SNORC: variants seen among roughly 807,000 people sequenced by gnomAD.
The protein encoded by SNORC is secondary ossification center associated regulator of chondrocyte maturation.
Under a neutral mutation model 9.7 loss-of-function variants are expected in SNORC, and 11 were observed. That is an observed-to-expected ratio of 1.14 (90% CI 0.72 to 1.88). The LOEUF (loss-of-function observed/expected upper bound fraction) is 1.88. Ranked by LOEUF, SNORC falls within the 40% of genes most tolerant of loss-of-function variation. The probability of loss-of-function intolerance (pLI) is 0.00; values close to 1 mark genes in which losing one functional copy is unlikely to be tolerated. For missense variants in SNORC, 197 were observed against 173.1 expected, an observed-to-expected ratio of 1.14 and a Z score of -0.77; for synonymous variants, 108 against 88.7, an observed-to-expected ratio of 1.22 and a Z score of -1.22.
exon 1 of SNORC, chr2:232,870,386 C>T (rs779387952): frequency 1.8e-5 from 28 of 1,572,080 alleles, no homozygotes; most frequent in East Asian, 7.0e-5. Flanking sequence ...TGCTGGTCTC[C>T]GGGGTTCTGG....
intron 1 of SNORC, among the ~76,000 whole-genome samples, chr2:232,872,212 G>C (rs1691052997): frequency 6.6e-6 from 1 of 152,168 alleles, no homozygotes; most frequent in Non-Finnish European, 1.5e-5. Context: ...CAGACAGGAA[G>C]GGAAGGAGCG....
At chr2:232,875,974 G>C (rs1691216407) in exon 2 of SNORC, 1 of 1,553,398 alleles carries the variant, frequency 6.4e-7, no homozygotes, top group African/African-American at 1.4e-5. Flanking sequence ...CCACGCTGTG[G>C]AACGAGCCGG....
chr2:232,873,501 C>T (rs1307252027), intron 1 of SNORC, among the ~76,000 whole-genome samples: 1 of 152,216 alleles, frequency 6.6e-6, no homozygotes, highest in Non-Finnish European at 1.5e-5. Context: ...AGGCCTGCCA[C>T]TCCTCGGCTG....
chr2:232,867,942 A>G (rs190076532), upstream of SNORC, among the ~76,000 whole-genome samples: 144 of 152,288 alleles, frequency 9.5e-4, 1 homozygote, highest in African/African-American at 3.3e-3. Context: ...ACTTGTGGCC[A>G]TCTTGCAGGG....
At chr2:232,876,415 T>C (rs1691246135), downstream of SNORC, 49 of 1,466,904 alleles carry the variant, frequency 3.3e-5, no homozygotes, top group Non-Finnish European at 4.2e-5. The surrounding 1 kb of genome is among the most constrained non-coding windows in gnomAD (Gnocchi z 6.8). Context: ...CTCACGCGCC[T>C]GTATGTCCGC....
chr2:232,867,868 A>G (rs943170721), upstream of SNORC, among the ~76,000 whole-genome samples: 1 of 152,246 alleles, frequency 6.6e-6, no homozygotes, highest in African/African-American at 2.4e-5. Flanking sequence ...GCCAGTGCCC[A>G]GCTATTCTGG....
intron 1 of SNORC, among the ~76,000 whole-genome samples, chr2:232,873,105 C>T (rs189248017): frequency 2.0e-5 from 3 of 152,346 alleles, no homozygotes; most frequent in East Asian, 1.9e-4. Flanking sequence ...TGTCCAAAGG[C>T]GCACCCCAGG....
chr2:232,877,313 T>C (rs190720769), downstream of SNORC: 1,252 of 985,294 alleles, frequency 1.3e-3, 5 homozygotes, highest in African/African-American at 0.02. Flanking sequence ...GGAGTGAGGG[T>C]GAGGAGCCTG....
chr2:232,876,849 C>A, downstream of SNORC: 1 of 985,566 alleles, frequency 1.0e-6, no homozygotes, highest in African/African-American at 1.7e-5. This position sits in a 1 kb window ranked among gnomAD's most constrained non-coding sequence, Gnocchi z 6.8. Flanking sequence ...TGGGCGCGGG[C>A]CGAGGCCCTC....
Position 232,876,286 on chromosome 2 carries a change from C to T in SNORC, c.296C>T (p.Ala99Val). Residue 99 changes from alanine to valine, a missense_variant, in exon 3 of 3, where the codon GCC becomes GTC. Ala to Val is a moderately conservative substitution (Grantham distance 64, BLOSUM62 0). Coordinates refer to ENST00000331342, the Ensembl canonical transcript of SNORC. The surrounding 1 kb of genome is among the most constrained non-coding windows in gnomAD (Gnocchi z 6.8). ...GGCGCTATCGCGGCCATCGTGATCG[C>T]CGCCCTGCTGGCCACCTGCGTGGTG... 1.3e-6 allele frequency: 2 copies of T among 1,535,464 alleles called. No individual in the cohort carries two copies. The highest frequency in any genetic ancestry group is 1.7e-6 in the Non-Finnish European group (2 of 1,145,100).
At position 232,875,796 on chromosome 2, in the gene SNORC, C is replaced by A. The variant is rs1014531820; in HGVS notation, c.74-144C>A. ...CAACGCACTGGCTTCAGCTTCTTAGCCTGGGAAATGTGAGGGCTAGTGCAG... is the reference window on the plus strand; with the variant it reads ...CAACGCACTGGCTTCAGCTTCTTAGACTGGGAAATGTGAGGGCTAGTGCAG... On this transcript the variant is annotated intron_variant, in intron 1 of 2. Coordinates refer to ENST00000331342, the Ensembl canonical transcript of SNORC. The A allele has an allele frequency of 6.7e-6, 6 of 895,884 alleles. No individual in the cohort carries two copies. The Admixed American group carries it at 1.8e-4, about 27-fold the overall frequency. The allele number at this position is 895,884 out of a possible 1,614,324, so 55.5% of individuals were successfully genotyped here. A position where few individuals can be genotyped will look rare whatever the true frequency, so the allele number is the denominator to read the frequency against.
chr2:232,877,487 GA>G (rs1028358993), downstream of SNORC: 1 of 350,508 alleles, frequency 2.9e-6, no homozygotes, highest in African/African-American at 2.2e-5. Context: ...ACCCCTTGGG[GA>G]CAGCTTAATG....
chr2:232,877,281 TTCACCC>T (rs1205126826), downstream of SNORC: 1 of 985,304 alleles, frequency 1.0e-6, no homozygotes, highest in Non-Finnish European at 1.2e-6. Flanking sequence ...CTCACCTCAC[TTCACCC>T]TCAGAGAGTC....
intron 1 of SNORC, among the ~76,000 whole-genome samples, chr2:232,872,987 C>G (rs1375283966): frequency 6.6e-6 from 1 of 152,232 alleles, no homozygotes; most frequent in African/African-American, 2.4e-5. Flanking sequence ...TGGCAGGGAG[C>G]TGGTGGCTCC....
chr2:232,875,784 T>G, intron 1 of SNORC, 156 bp from the exon 2 acceptor site: 1 of 820,768 alleles, frequency 1.2e-6, no homozygotes, highest in Non-Finnish European at 1.8e-6. Flanking sequence ...CGCACTGGCT[T>G]CAGCTTCTTA....
chr2:232,877,056 G>C (rs1262584998), downstream of SNORC: 6 of 985,630 alleles, frequency 6.1e-6, no homozygotes, highest in African/African-American at 3.5e-5. Context: ...TCTTGACTCT[G>C]AGTCCTGCAG....
downstream of SNORC, chr2:232,876,465 C>G (rs1276130321): frequency 2.9e-6 from 4 of 1,361,478 alleles, no homozygotes; most frequent in African/African-American, 6.2e-5. The surrounding 1 kb of genome is among the most constrained non-coding windows in gnomAD (Gnocchi z 6.8). Context: ...AGAGCGTGAG[C>G]GCGCGCAGGC....
At chr2:232,877,274 A>G (rs1691307779), downstream of SNORC, 1 of 985,048 alleles carries the variant, frequency 1.0e-6, no homozygotes, top group African/African-American at 1.8e-5. Flanking sequence ...AGCTCTACTC[A>G]CCTCACTTCA....
upstream of SNORC, among the ~76,000 whole-genome samples, chr2:232,869,411 C>CA (rs1690941455): frequency 6.6e-6 from 1 of 152,116 alleles, no homozygotes; most frequent in African/African-American, 2.4e-5. Context: ...GGGGCGCTGA[C>CA]AGAACTCTGA....
Sources: allele counts gnomAD v4.1 joint callset (sites outside exome capture counted in the v4.1 genomes callset), GRCh38; gene constraint gnomAD v4.1.1; non-coding constraint Gnocchi (gnomAD v3.1); transcripts MANE v1.5; gene names NCBI Gene and HGNC (gene_info 2026-07-23, HGNC 2026-07-21).